RAB2A: variants seen among roughly 807,000 people sequenced by gnomAD.
RAB2A encodes ras-related protein Rab-2A.
A neutral mutation model predicts 32.5 loss-of-function variants in RAB2A; 7 were observed. That is an observed-to-expected ratio of 0.22 (90% CI 0.12 to 0.40). The LOEUF is 0.40. RAB2A is among the 10% of genes least tolerant of loss of function. RAB2A has a pLI of 1.00. For synonymous variants in RAB2A, 79 were observed against 85.2 expected, an observed-to-expected ratio of 0.93 and a Z score of 0.40; for missense variants, 108 against 260.7, an observed-to-expected ratio of 0.41 and a Z score of 4.03.
intron 2 of RAB2A, among the ~76,000 whole-genome samples, chr8:60,568,832 A>C (rs1443182225): frequency 6.6e-6 from 1 of 152,210 alleles, no homozygotes; most frequent in Admixed American, 6.5e-5. Flanking sequence ...TTGAAAATGG[A>C]TCTGGGAAGA....
At chr8:60,545,310 A>G (rs974385656) in intron 1 of RAB2A, among the ~76,000 whole-genome samples, 1 of 151,844 alleles carries the variant, frequency 6.6e-6, no homozygotes, top group African/African-American at 2.4e-5. Flanking sequence ...CTTTTTTTTA[A>G]TTTTTATTTT....
chr8:60,605,854 A>ATATATATATATATATATATATATATATAG (rs1563485040), intron 6 of RAB2A, among the ~76,000 whole-genome samples: 1 of 77,592 alleles, frequency 1.3e-5, no homozygotes, highest in African/African-American at 1.2e-4. Flanking sequence ...TATATATATA[A>ATATATATATATATATATATATATATATAG]TGCTTCATTT....
intron 6 of RAB2A, among the ~76,000 whole-genome samples, chr8:60,607,368 G>T (rs1166016564): frequency 2.1e-5 from 3 of 146,030 alleles, no homozygotes; most frequent in Non-Finnish European, 4.4e-5. Context: ...GGTGGAGCTT[G>T]CAGTGAGCCG....
At chr8:60,549,498 G>A (rs1807810532) in intron 1 of RAB2A, among the ~76,000 whole-genome samples, 2 of 142,982 alleles carry the variant, frequency 1.4e-5, no homozygotes, top group African/African-American at 5.1e-5. Context: ...TTTTTTTTTG[G>A]TGTGGATTGA....
chr8:60,612,832 A>G (rs1052318992), intron 6 of RAB2A, among the ~76,000 whole-genome samples: 4 of 152,220 alleles, frequency 2.6e-5, no homozygotes, highest in Admixed American at 2.0e-4. Context: ...TGCTATAGAA[A>G]GAGGCGGGGA....
At chr8:60,530,384 G>A (rs1387534740) in intron 1 of RAB2A, among the ~76,000 whole-genome samples, 1 of 151,970 alleles carries the variant, frequency 6.6e-6, no homozygotes, top group Non-Finnish European at 1.5e-5. Flanking sequence ...GACCTCATGT[G>A]ATCTGCCCAC....
rs1441238382 is a variant in RAB2A, at chr8:60,621,287, T to C, written c.*518T>C. The C allele has an allele frequency of 6.6e-6, 1 of 152,466 alleles. No individual in the cohort carries two copies. Among genetic ancestry groups the C allele is most frequent in the Non-Finnish European group, 1.5e-5 (1 of 68,214 alleles). 9.4% of individuals were successfully genotyped at this position (152,466 alleles called of 1,614,324 possible). A position where few individuals can be genotyped will look rare whatever the true frequency, so the allele number is the denominator to read the frequency against. On this transcript the variant is annotated 3_prime_UTR_variant, in exon 8 of 8. Coordinates refer to ENST00000262646, the MANE Select transcript of RAB2A (RefSeq NM_002865.3). ...AATTTGCCAAGCTTGAATTCTTTAA[T>C]GCATTTGCATAAATTCTATACTGTT...
rs149770220 is a variant in RAB2A, at chr8:60,596,286, A to G, written c.474+4317A>G. ...CCAAAAGCAATGGTAACAAAAGCCA[A>G]AATTGACAAATGGGATCTAATTAAA... On this transcript the variant is annotated intron_variant, in intron 6 of 7. Coordinates refer to ENST00000262646, the MANE Select transcript of RAB2A (RefSeq NM_002865.3). Among the ~76,000 whole-genome samples the G allele has an allele frequency of 6.9e-3, 1,056 of 152,342 alleles. 12 individuals are homozygous for G. Among genetic ancestry groups the G allele is most frequent in the African/African-American group, 0.024 (1,001 of 41,568 alleles).
chr8:60,574,159 T>C (rs1387009999), intron 3 of RAB2A, among the ~76,000 whole-genome samples: 1 of 151,714 alleles, frequency 6.6e-6, no homozygotes, highest in Non-Finnish European at 1.5e-5. Flanking sequence ...TTAAGGCAAC[T>C]AAGATGTCAG....
At chr8:60,585,290 T>TTGTTG (rs1803829843) in intron 5 of RAB2A, among the ~76,000 whole-genome samples, 2 of 89,750 alleles carry the variant, frequency 2.2e-5, no homozygotes, top group South Asian at 9.2e-4. Flanking sequence ...TCTTTTTGTT[T>TTGTTG]TGTTTTGTTT....
At chr8:60,529,191 T>A (rs1409044761) in intron 1 of RAB2A, among the ~76,000 whole-genome samples, 3 of 152,236 alleles carry the variant, frequency 2.0e-5, no homozygotes, top group Admixed American at 6.5e-5. Context: ...TACTGATTCT[T>A]CAGTGTGTGA....
intron 1 of RAB2A, among the ~76,000 whole-genome samples, chr8:60,533,714 T>G (rs971524873): frequency 6.6e-6 from 1 of 152,168 alleles, no homozygotes; most frequent in Admixed American, 6.5e-5. Context: ...CTTACATCTG[T>G]AATCCCAGCA....
intron 3 of RAB2A, among the ~76,000 whole-genome samples, chr8:60,583,203 A>G (rs1563477530): frequency 6.6e-6 from 1 of 152,204 alleles, no homozygotes; most frequent in Non-Finnish European, 1.5e-5. Flanking sequence ...AGAATGTGTA[A>G]ACATCAATAT....
chr8:60,590,038 T>G (rs1330302234), intron 5 of RAB2A, among the ~76,000 whole-genome samples: 1 of 152,046 alleles, frequency 6.6e-6, no homozygotes, highest in Non-Finnish European at 1.5e-5. Flanking sequence ...CTCTGCTCAC[T>G]GCAACCTCCG....
intron 1 of RAB2A, among the ~76,000 whole-genome samples, chr8:60,524,373 A>G (rs1807347385): frequency 7.4e-6 from 1 of 135,824 alleles, no homozygotes; most frequent in Non-Finnish European, 1.5e-5. Context: ...AGCTGTGCTT[A>G]CTTCATTTGT....
At chr8:60,568,131 G>C (rs1808143260) in intron 2 of RAB2A, among the ~76,000 whole-genome samples, 1 of 152,212 alleles carries the variant, frequency 6.6e-6, no homozygotes, top group African/African-American at 2.4e-5. Context: ...AGGAATGGGG[G>C]ATAGGAGTCC....
intron 1 of RAB2A, among the ~76,000 whole-genome samples, chr8:60,518,896 C>G (rs1046743629): frequency 2.6e-5 from 4 of 152,170 alleles, no homozygotes; most frequent in Admixed American, 2.0e-4. Flanking sequence ...TGGCATTTGG[C>G]TATCTCATTA....
intron 3 of RAB2A, among the ~76,000 whole-genome samples, chr8:60,574,011 C>G (rs1231621502): frequency 6.6e-6 from 1 of 152,244 alleles, no homozygotes; most frequent in East Asian, 1.9e-4. Flanking sequence ...AGCTTATAAC[C>G]TTGTGTAACA....
chr8:60,547,804 G>A (rs1439236934), intron 1 of RAB2A, among the ~76,000 whole-genome samples: 2 of 121,602 alleles, frequency 1.6e-5, no homozygotes, highest in Admixed American at 1.5e-4. Flanking sequence ...CTCACTTCCC[G>A]GATGGGGCGG....
Sources: gnomAD v4.1 joint callset for allele counts (sites outside exome capture counted in the v4.1 genomes callset) on GRCh38, gnomAD v4.1.1 for gene constraint, MANE v1.5 for transcripts, NCBI Gene and HGNC (gene_info 2026-07-23, HGNC 2026-07-21) for gene names.